Variants in DENND3 observed in about 807,000 individuals in gnomAD.
DENND3 encodes DENN domain-containing protein 3.
In DENND3, 88 loss-of-function variants were observed where a neutral mutation model predicts 135.1. The ratio of observed to expected loss-of-function variants is 0.65; its 90% CI spans 0.55 to 0.78. The LOEUF (loss-of-function observed/expected upper bound fraction) is 0.78, where lower values mean the gene tolerates loss of function less well. Ranked by LOEUF, DENND3 falls within the 30% of genes least tolerant of loss-of-function variation. The pLI is 0.00. For missense variants in DENND3, 1,392 were observed against 1,688.4 expected (o/e 0.82, Z 3.08); for synonymous variants, 693 against 712.3 (o/e 0.97, Z 0.43).
At chr8:141,193,077 C>T in intron 22 of DENND3, 1 of 352,242 alleles carries the variant, frequency 2.8e-6, no homozygotes, top group Non-Finnish European at 5.3e-6. Flanking sequence ...ACGTGGCACT[C>T]TAACCTGTGC....
intron 8 of DENND3, among the ~76,000 whole-genome samples, chr8:141,156,834 C>T (rs1819505071): frequency 6.7e-6 from 1 of 150,106 alleles, no homozygotes; most frequent in Non-Finnish European, 1.5e-5. Flanking sequence ...CACTGTTGCC[C>T]AGGCTGGAGT....
intron 14 of DENND3, chr8:141,176,287 CAAA>C: frequency 2.7e-5 from 4 of 150,350 alleles, no homozygotes; most frequent in South Asian, 1.7e-4. Context: ...AAAAACAAAA[CAAA>C]AAAAAAAAAA....
chr8:141,146,501 A>G lies in DENND3; in HGVS notation c.735+2242A>G, dbSNP rs1227493327. On this transcript the variant is annotated intron_variant, in intron 5 of 22. Coordinates refer to ENST00000519811, the MANE Select transcript of DENND3 (RefSeq NM_001352890.3). The surrounding 1 kb of genome is among the most constrained non-coding windows in gnomAD (Gnocchi z 4.3). ...TTTTTCCTTTAATAGACACCCGTCA[A>G]ACGTCTCAAAATGTTTAGTAAATGT... is the stretch of plus-strand genomic sequence containing the variant. Among the ~76,000 whole-genome samples, 2 of 152,248 alleles carry G rather than the reference A, an allele frequency of 1.3e-5. No homozygotes were observed. The highest frequency in any genetic ancestry group is 1.3e-4 in the Admixed American group (2 of 15,288).
At chr8:141,148,427 G>A (rs934990495) in intron 5 of DENND3, among the ~76,000 whole-genome samples, 2 of 152,294 alleles carry the variant, frequency 1.3e-5, no homozygotes, top group South Asian at 4.1e-4. Flanking sequence ...GCCCTCCAGC[G>A]GGACTGATTT....
At chr8:141,189,210 G>A in intron 19 of DENND3, 64 bp downstream of exon 19, 1 of 1,606,438 alleles carries the variant, frequency 6.2e-7, no homozygotes, top group Non-Finnish European at 8.5e-7. Flanking sequence ...AGGCACAGCG[G>A]GTAGGGTTCC....
chr8:141,181,535 C>T (rs753984654), intron 17 of DENND3, among the ~76,000 whole-genome samples: 4 of 152,206 alleles, frequency 2.6e-5, no homozygotes, highest in Non-Finnish European at 5.9e-5. Context: ...GCCTCCTGTG[C>T]TTGGCTTTCC....
intron 5 of DENND3, chr8:141,150,280 C>A (rs766632581): frequency 7.8e-7 from 1 of 1,273,888 alleles, no homozygotes; most frequent in East Asian, 5.9e-5. Context: ...GGATTTCCTC[C>A]GCCAGGTCCA....
chr8:141,143,459 C>T (rs1411408872), intron 4 of DENND3, among the ~76,000 whole-genome samples: 1 of 152,178 alleles, frequency 6.6e-6, no homozygotes, highest in Non-Finnish European at 1.5e-5. Flanking sequence ...GGCTGCGGTG[C>T]AGTGCCGCTA....
rs1044097817 is a variant in DENND3, at chr8:141,137,930, G to A, written c.386-92G>A. The A allele has an allele frequency of 4.7e-6, 6 of 1,285,204 alleles. No homozygotes were observed. The highest frequency in any genetic ancestry group is 3.0e-5 in the African/African-American group (2 of 67,770). The allele number at this position is 1,285,204 out of a possible 1,614,324, so 79.6% of individuals were successfully genotyped here. A position where few individuals can be genotyped will look rare whatever the true frequency, so the allele number is the denominator to read the frequency against. On this transcript the variant is annotated intron_variant, in intron 2 of 22. Transcript: ENST00000519811. The surrounding 1 kb of genome is among the most constrained non-coding windows in gnomAD (Gnocchi z 4.1). ...GGCACCACCACTGCTAACTGTGGAG[G>A]TGTGTCCTAAACACTGTGAAGAAAT... is the stretch of plus-strand genomic sequence containing the variant.
Position 141,137,721 on chromosome 8 carries a change from A to G in DENND3, c.386-301A>G, listed in dbSNP as rs1816940963. Among the ~76,000 whole-genome samples the G allele has an allele frequency of 6.6e-6, 1 of 152,198 alleles. No homozygotes were observed. On this transcript the variant is annotated intron_variant, in intron 2 of 22. Coordinates refer to ENST00000519811, the MANE Select transcript of DENND3 (RefSeq NM_001352890.3). This position sits in a 1 kb window ranked among gnomAD's most constrained non-coding sequence, Gnocchi z 4.1. ...AGCACCCACCTCAGAACTTGGTGCT[A>G]TTTCCTGGTCACAGGGATTATAAAC...
At chr8:141,178,295 C>A in intron 16 of DENND3, 99 bp downstream of exon 16, 1 of 1,463,382 alleles carries the variant, frequency 6.8e-7, no homozygotes, top group Non-Finnish European at 9.1e-7. Flanking sequence ...GAACCGAGCC[C>A]AGCTCCCCCA....
In DENND3 at chr8:141,168,486, G is replaced by T. The variant is rs200436717; in HGVS notation, c.2236G>T (p.Ala746Ser). ...CCAGGAGTCAGGGATCGTGAAGGAC[G>T]CCAGCATCATACACCGGCTGTTCGA... ...RVQESGIVKD[A>S]SIIHRLFEAL... Residue 746 changes from alanine (A) to serine (S), a missense_variant, in exon 13 of 23, where the codon GCC (alanine) becomes TCC (serine). Transcript: ENST00000519811. The surrounding 1 kb of genome is among the most constrained non-coding windows in gnomAD (Gnocchi z 6.2). 1.2e-6 allele frequency: 2 copies of T among 1,613,066 alleles called. No homozygotes were observed. Among genetic ancestry groups the T allele is most frequent in the Admixed American group, 3.3e-5 (2 of 60,012 alleles).
rs1239969028 is a variant in DENND3 at position 141,144,174 on chromosome 8, A to C, written c.650A>C (p.Lys217Thr). 1 of 1,613,444 alleles carries C rather than the reference A, an allele frequency of 6.2e-7. No individual in the cohort carries two copies. Among genetic ancestry groups the C allele is most frequent in the Non-Finnish European group, 8.5e-7 (1 of 1,179,872 alleles). ...TTATTGGCTCTTCTGAAGCCCTGTA[A>C]AGATTTTGAAGTGGACAGTCATATA... ...SCLLALLKPCKDFEVDSHIKD... is the reference protein window; with the variant it reads ...SCLLALLKPCTDFEVDSHIKD... Residue 217 changes from lysine to threonine, a missense_variant, in exon 5 of 23, where the codon AAA (lysine) becomes ACA (threonine). By Grantham distance (78) the Lys-to-Thr change is moderately conservative (BLOSUM62 -1). Coordinates refer to ENST00000519811, the MANE Select transcript of DENND3 (RefSeq NM_001352890.3). The surrounding 1 kb of genome is among the most constrained non-coding windows in gnomAD (Gnocchi z 4.4).
At position 141,182,308 on chromosome 8, in the gene DENND3, C is replaced by G. The variant is rs1341121659; in HGVS notation, c.2944+1454C>G. The G allele has an allele frequency of 5.1e-6, 5 of 985,230 alleles. No homozygotes were observed. The highest frequency in any genetic ancestry group is 6.0e-6 in the Non-Finnish European group (5 of 829,916). 61.0% of individuals were successfully genotyped at this position (985,230 alleles called of 1,614,324 possible). A position where few individuals can be genotyped will look rare whatever the true frequency, so the allele number is the denominator to read the frequency against. On this transcript the variant is annotated intron_variant, in intron 17 of 22. Transcript: ENST00000519811. This position sits in a 1 kb window ranked among gnomAD's most constrained non-coding sequence, Gnocchi z 5.9. Reference sequence around the variant, plus strand: ...GATTTCCCCATAAGAGAGTTTTTCTCTCTTCATGGCAGGCCAAGAAACCCA... The same window carrying G: ...GATTTCCCCATAAGAGAGTTTTTCTGTCTTCATGGCAGGCCAAGAAACCCA...
intron 19 of DENND3, among the ~76,000 whole-genome samples, chr8:141,189,385 C>G (rs1245053424): frequency 1.3e-5 from 2 of 152,272 alleles, no homozygotes; most frequent in Admixed American, 1.3e-4. Context: ...CCCGGCCTTC[C>G]TGCTGAGCTT....
In DENND3 at chr8:141,146,577, T is replaced by A. The variant is rs1238885642; in HGVS notation, c.735+2318T>A. ...TCTGAAAGATTATACGTATTAATCTTGATCTTCTACATTTTTCTTTACTGA... is the reference window on the plus strand; with the variant it reads ...TCTGAAAGATTATACGTATTAATCTAGATCTTCTACATTTTTCTTTACTGA... On this transcript the variant is annotated intron_variant, in intron 5 of 22. Transcript: ENST00000519811. The surrounding 1 kb of genome is among the most constrained non-coding windows in gnomAD (Gnocchi z 4.3). Among the ~76,000 whole-genome samples, 1 of 152,240 alleles carries A rather than the reference T, an allele frequency of 6.6e-6. No homozygotes were observed. The highest frequency in any genetic ancestry group is 1.5e-5 in the Non-Finnish European group (1 of 68,050).
At position 141,141,575 on chromosome 8, in the gene DENND3, C is replaced by T. The variant is rs1199656528; in HGVS notation, c.623+251C>T. The T allele has an allele frequency of 5.8e-6, 3 of 516,362 alleles. No individual in the cohort carries two copies. The highest frequency in any genetic ancestry group is 3.5e-5 in the East Asian group (1 of 28,974). The allele number at this position is 516,362 out of a possible 1,614,324, so 32.0% of individuals were successfully genotyped here. A position where few individuals can be genotyped will look rare whatever the true frequency, so the allele number is the denominator to read the frequency against. Reference sequence around the variant, plus strand: ...GCTCCTCTCTGTGACTGGTAACATACGGTAATGGCATGGTAGGAAAGGGAT... The same window carrying T: ...GCTCCTCTCTGTGACTGGTAACATATGGTAATGGCATGGTAGGAAAGGGAT... On this transcript the variant is annotated intron_variant, in intron 4 of 22. Transcript: ENST00000519811. The surrounding 1 kb of genome is among the most constrained non-coding windows in gnomAD (Gnocchi z 5.3).
intron 6 of DENND3, 57 bp from the exon 7 acceptor site, chr8:141,151,562 T>G: frequency 6.0e-6 from 9 of 1,489,118 alleles, no homozygotes; most frequent in South Asian, 3.4e-5. Flanking sequence ...CGAGACCCTG[T>G]CTGTATTTTT....
intron 7 of DENND3, 90 bp downstream of exon 7, chr8:141,151,927 G>A (rs977096626): frequency 8.8e-6 from 13 of 1,476,948 alleles, no homozygotes; most frequent in Middle Eastern, 2.4e-4. Flanking sequence ...AGTGCTCCGC[G>A]GTGAAGGCGG....
Sources: allele counts gnomAD v4.1 joint callset (sites outside exome capture counted in the v4.1 genomes callset), GRCh38; gene constraint gnomAD v4.1.1; non-coding constraint Gnocchi (gnomAD v3.1); transcripts MANE v1.5; gene names NCBI Gene and HGNC (gene_info 2026-07-23, HGNC 2026-07-21).